Variants in COL22A1 observed in about 807,000 individuals in gnomAD.
COL22A1 encodes the protein collagen alpha-1(XXII) chain.
Under a neutral mutation model 248.9 loss-of-function variants are expected in COL22A1, and 221 were observed. The ratio of observed to expected loss-of-function variants is 0.89; its 90% CI spans 0.80 to 0.99. The LOEUF (loss-of-function observed/expected upper bound fraction) is 0.99, where lower values mean the gene tolerates loss of function less well. Among genes scored for constraint, COL22A1 ranks in the 50% least tolerant of loss-of-function variants. The pLI, the probability that COL22A1 is intolerant of heterozygous loss-of-function variation, is 0.00. For missense variants in COL22A1, 2,240 were observed against 2,179.0 expected (o/e 1.03, Z -0.56); for synonymous variants, 891 against 793.4 (o/e 1.12, Z -2.07).
At chr8:138,873,174 C>T (rs1198943708) in intron 3 of COL22A1, among the ~76,000 whole-genome samples, 1 of 152,190 alleles carries the variant, frequency 6.6e-6, no homozygotes, top group East Asian at 1.9e-4. Context: ...CCCCTATGTG[C>T]CTCTGTGCCA....
chr8:138,843,250 G>C (rs1319721862), intron 4 of COL22A1, among the ~76,000 whole-genome samples: 1 of 152,134 alleles, frequency 6.6e-6, no homozygotes, highest in Non-Finnish European at 1.5e-5. Context: ...GACATGGCAA[G>C]GTCCCTGGGA....
At chr8:138,850,420 C>T (rs765791341) in intron 3 of COL22A1, among the ~76,000 whole-genome samples, 1 of 152,210 alleles carries the variant, frequency 6.6e-6, no homozygotes, top group Admixed American at 6.5e-5. Context: ...CTGACAGCTG[C>T]GAACACTGGC....
intron 37 of COL22A1, among the ~76,000 whole-genome samples, chr8:138,685,818 G>A (rs1826303522): frequency 6.6e-6 from 1 of 152,098 alleles, no homozygotes; most frequent in African/African-American, 2.4e-5. Flanking sequence ...TACATTTTTG[G>A]CTGTTTAGGC....
intron 30 of COL22A1, among the ~76,000 whole-genome samples, chr8:138,703,828 T>C (rs4461940): frequency 6.6e-6 from 1 of 152,126 alleles, no homozygotes; most frequent in African/African-American, 2.4e-5. Flanking sequence ...GGGCAGGGCA[T>C]TGCCTCACCC....
At chr8:138,891,148 A>G (rs1353485787) in intron 1 of COL22A1, among the ~76,000 whole-genome samples, 1 of 152,266 alleles carries the variant, frequency 6.6e-6, no homozygotes, top group Non-Finnish European at 1.5e-5. Flanking sequence ...AATGTAATCA[A>G]CAATGACACA....
At chr8:138,765,980 C>T in intron 16 of COL22A1, among the ~76,000 whole-genome samples, 1 of 152,210 alleles carries the variant, frequency 6.6e-6, no homozygotes, top group Non-Finnish European at 1.5e-5. Context: ...TGAGTAGAAC[C>T]ACATTTCACC....
intron 3 of COL22A1, among the ~76,000 whole-genome samples, chr8:138,851,615 CA>C (rs1255667307): frequency 6.6e-6 from 1 of 152,174 alleles, no homozygotes; most frequent in Non-Finnish European, 1.5e-5. Context: ...CAGTAGGTGT[CA>C]CCAGAGACTG....
chr8:138,897,535 G>A (rs1008795686), intron 1 of COL22A1, among the ~76,000 whole-genome samples: 4 of 143,216 alleles, frequency 2.8e-5, no homozygotes, highest in African/African-American at 5.1e-5. Context: ...GTGACAGAGC[G>A]AGACTCTGTC....
intron 64 of COL22A1, 74 bp downstream of exon 64, chr8:138,591,349 TG>T: frequency 1.8e-6 from 2 of 1,116,310 alleles, no homozygotes; most frequent in South Asian, 1.8e-5. Context: ...CTGAGTCCTG[TG>T]GGGCCACGGG....
chr8:138,693,407 A>G (rs1184034610), intron 35 of COL22A1, among the ~76,000 whole-genome samples: 1 of 152,232 alleles, frequency 6.6e-6, no homozygotes, highest in Non-Finnish European at 1.5e-5. Flanking sequence ...CCACATGTGC[A>G]TAGAAAGAGA....
At chr8:138,884,040 C>T (rs2132076452) in intron 1 of COL22A1, among the ~76,000 whole-genome samples, 1 of 152,246 alleles carries the variant, frequency 6.6e-6, no homozygotes, top group East Asian at 1.9e-4. Context: ...AGCCATTTCC[C>T]ACAGGTTCCA....
At chr8:138,599,701 C>T (rs576616487) in intron 60 of COL22A1, among the ~76,000 whole-genome samples, 70 of 151,946 alleles carry the variant, frequency 4.6e-4, no homozygotes, top group South Asian at 2.1e-4. Context: ...CTCTAGCCTG[C>T]GTGACAGAGT....
At chr8:138,896,180 G>T (rs1470543925) in intron 1 of COL22A1, among the ~76,000 whole-genome samples, 1 of 152,060 alleles carries the variant, frequency 6.6e-6, no homozygotes, top group Non-Finnish European at 1.5e-5. Flanking sequence ...ATGAGAGAAA[G>T]AGGTGGAGAC....
At chr8:138,701,490 T>C (rs1027948104) in intron 31 of COL22A1, among the ~76,000 whole-genome samples, 4 of 152,246 alleles carry the variant, frequency 2.6e-5, no homozygotes, top group Admixed American at 6.5e-5. Context: ...GTCCCTTTTC[T>C]AGAAGGCACT....
chr8:138,631,251 C>A (rs2132001878), intron 49 of COL22A1, among the ~76,000 whole-genome samples: 1 of 152,300 alleles, frequency 6.6e-6, no homozygotes, highest in Non-Finnish European at 1.5e-5. Context: ...ACACACAGAT[C>A]TTACATTCTG....
chr8:138,688,524 A>T (rs1826549784), intron 37 of COL22A1, among the ~76,000 whole-genome samples: 1 of 142,126 alleles, frequency 7.0e-6, no homozygotes, highest in Non-Finnish European at 1.6e-5. Flanking sequence ...CTGTCTCAAG[A>T]AAAAAAAAAA....
rs1042731982 is a variant in COL22A1, at chr8:138,602,157, C to G, written c.4143G>C (p.Gly1381=). The G allele has an allele frequency of 1.2e-6, 2 of 1,614,076 alleles. No homozygotes were observed. Among genetic ancestry groups the G allele is most frequent in the South Asian group, 1.1e-5 (1 of 91,072 alleles). The part of the protein sequence containing the change: ...PGEKGVPGKE[G]VPGKPGEPGF... ...CAGGCTCTCCAGGCTTCCCAGGGAC[C>G]CCCTGCAAGGAGAAAGAAAGGACAG... is the stretch of plus-strand genomic sequence containing the variant. The change falls in exon 60 of 65, where the codon GGG becomes GGC. Residue 1381 remains glycine (G), a splice_region_variant and synonymous_variant. Transcript: ENST00000303045.
At chr8:138,787,834 G>T (rs1815674684) in intron 12 of COL22A1, among the ~76,000 whole-genome samples, 2 of 152,080 alleles carry the variant, frequency 1.3e-5, no homozygotes, top group Non-Finnish European at 2.9e-5. Context: ...TGGGGAGGGG[G>T]GCAACCATCT....
chr8:138,806,006 GACGGTGTAGGTAA>G, intron 10 of COL22A1, among the ~76,000 whole-genome samples: 1 of 141,266 alleles, frequency 7.1e-6, no homozygotes, highest in African/African-American at 2.7e-5. Flanking sequence ...GTGTGTGTGT[GACGGTGTAGGTAA>G]TGGTGTGTGG....
Sources: allele counts gnomAD v4.1 joint callset (sites outside exome capture counted in the v4.1 genomes callset), GRCh38; gene constraint gnomAD v4.1.1; transcripts MANE v1.5; gene names NCBI Gene and HGNC (gene_info 2026-07-23, HGNC 2026-07-21).